Variants in SLC9A8 observed in about 807,000 individuals in gnomAD.
The protein encoded by SLC9A8 is sodium/hydrogen exchanger 8.
SLC9A8 carries 48 observed loss-of-function variants against 66.6 expected under a neutral mutation model. That is an observed-to-expected ratio of 0.72 (90% confidence interval 0.57 to 0.92). The LOEUF (loss-of-function observed/expected upper bound fraction) is 0.92, where lower values mean the gene tolerates loss of function less well. Ranked by LOEUF, SLC9A8 falls within the 40% of genes least tolerant of loss-of-function variation. SLC9A8 has a pLI of 0.00. For missense variants in SLC9A8, 599 were observed against 747.3 expected (o/e 0.80, Z 2.31); for synonymous variants, 274 against 282.6 (o/e 0.97, Z 0.31).
At chr20:49,854,764 C>T (rs768950151) in intron 7 of SLC9A8, among the ~76,000 whole-genome samples, 1 of 152,150 alleles carries the variant, frequency 6.6e-6, no homozygotes, top group Non-Finnish European at 1.5e-5. Context: ...CAGTCACTGT[C>T]TGGATTGTTG....
rs200132126 is a variant in SLC9A8, at chr20:49,823,045, A to ATT, written c.209-8_209-7dup. On this transcript the variant is annotated splice_polypyrimidine_tract_variant and intron_variant, in intron 2 of 15. Transcript: ENST00000361573. ...AGTGTTTTTTTTAAAACATTGTATT[A>ATT]TTTTTTTTTCCACAGCTATCTGCAT... The ATT allele has an allele frequency of 1.8e-4, 276 of 1,560,486 alleles. No homozygotes were observed. The highest frequency in any genetic ancestry group is 2.2e-4 in the Non-Finnish European group (247 of 1,136,074).
chr20:49,827,008 C>T (rs2086938102), intron 3 of SLC9A8, among the ~76,000 whole-genome samples: 1 of 151,372 alleles, frequency 6.6e-6, no homozygotes, highest in Non-Finnish European at 1.5e-5. Context: ...CAATCACGAT[C>T]TTGGCGCACT....
intron 3 of SLC9A8, among the ~76,000 whole-genome samples, chr20:49,834,367 G>GTGTATATATATATATAC (rs1568813284): frequency 2.5e-4 from 11 of 43,858 alleles, no homozygotes; most frequent in Non-Finnish European, 4.3e-4. Flanking sequence ...TATATATACT[G>GTGTATATATATATATAC]TGTATATATA....
In SLC9A8 at chr20:49,886,999, G is replaced by A; in HGVS notation, c.1638+101G>A. On this transcript the variant is annotated intron_variant, in intron 15 of 15. Coordinates refer to ENST00000361573, the MANE Select transcript of SLC9A8 (RefSeq NM_015266.3). This position sits in a 1 kb window ranked among gnomAD's most constrained non-coding sequence, Gnocchi z 4.8. The stretch of plus-strand genomic sequence containing the variant: ...GGGTGGAGGAAGAGTGGGGAGGCAG[G>A]AAAGCTCACGTGGGCCCGCCAGGCC... The A allele has an allele frequency of 1.5e-6, 2 of 1,377,928 alleles. No individual in the cohort carries two copies. Among genetic ancestry groups the A allele is most frequent in the Non-Finnish European group, 2.0e-6 (2 of 1,011,070 alleles). The allele number at this position is 1,377,928 out of a possible 1,614,324, so 85.4% of individuals were successfully genotyped here. A position where few individuals can be genotyped will look rare whatever the true frequency, so the allele number is the denominator to read the frequency against.
rs374418684 is a variant in SLC9A8, at chr20:49,884,223, C to CGCG, written c.1491+157_1491+158insGCG. ...CGACACACACACACACACACACACA[C>CGCG]ACACACACACACACACACGACACAC... is the stretch of plus-strand genomic sequence containing the variant. On this transcript the variant is annotated intron_variant, in intron 14 of 15. Transcript: ENST00000361573. The CGCG allele has an allele frequency of 3.0e-3, 741 of 242,998 alleles. 3 individuals are homozygous for CGCG. The highest frequency in any genetic ancestry group is 4.6e-3 in the Admixed American group (79 of 17,012). 15.1% of individuals were successfully genotyped at this position (242,998 alleles called of 1,614,324 possible). A position where few individuals can be genotyped will look rare whatever the true frequency, so the allele number is the denominator to read the frequency against.
Position 49,845,081 on chromosome 20 carries a change from C to T in SLC9A8, c.394C>T (p.Pro132Ser), listed in dbSNP as rs1211316746. The stretch of plus-strand genomic sequence containing the variant: ...AAACATGTTTTTCCTCCTCCTGCTT[C>T]CCCCTATTATCTTTGAGTCTGGATA... ...RPNMFFLLLL[P>S]PIIFESGYSL... is the part of the protein sequence containing the mutation. The change falls in exon 5 of 16, where the codon CCC (proline) becomes TCC (serine). Residue 132 changes from proline (P) to serine (S), a missense_variant. Around this residue, in one of 2 missense-constraint regions of SLC9A8, gnomAD observed 467 missense variants for 626.5 expected, o/e 0.75. Coordinates refer to ENST00000361573, the MANE Select transcript of SLC9A8 (RefSeq NM_015266.3). 1 of 1,613,502 alleles carries T rather than the reference C, an allele frequency of 6.2e-7. No homozygotes were observed. The highest frequency in any genetic ancestry group is 8.5e-7 in the Non-Finnish European group (1 of 1,179,476).
chr20:49,878,205 T>TA (rs546419401), intron 12 of SLC9A8, 142 bp downstream of exon 12: 7,696 of 408,630 alleles, frequency 0.019, no homozygotes, highest in Middle Eastern at 0.029. Flanking sequence ...TTTCTTTTGT[T>TA]AAAAAAAAAA....
chr20:49,882,874 T>C (rs1036880223), intron 13 of SLC9A8, among the ~76,000 whole-genome samples: 1 of 152,148 alleles, frequency 6.6e-6, no homozygotes, highest in African/African-American at 2.4e-5. Flanking sequence ...TATGTGCCCT[T>C]TGCTCTTGCC....
At chr20:49,883,678 C>T (rs1440765262) in intron 13 of SLC9A8, among the ~76,000 whole-genome samples, 168 bp from the exon 14 acceptor site, 1 of 152,220 alleles carries the variant, frequency 6.6e-6, no homozygotes, top group Non-Finnish European at 1.5e-5. Context: ...ATCTCTGCCA[C>T]CTGCTCTTTA....
At chr20:49,828,568 T>C (rs540904997) in intron 3 of SLC9A8, among the ~76,000 whole-genome samples, 3 of 146,956 alleles carry the variant, frequency 2.0e-5, no homozygotes, top group Non-Finnish European at 4.5e-5. Context: ...CCTGGCACAG[T>C]GGCTCATGCC....
Position 49,814,962 on chromosome 20 carries a change from T to G in SLC9A8, c.27-46T>G, listed in dbSNP as rs780169647. ...GGTGTGAGGTGTGTGAATTGATGTT[T>G]TGGGACCCTTTTCCATTATCTAATT... is the stretch of plus-strand genomic sequence containing the variant. On this transcript the variant is annotated intron_variant, in intron 1 of 15. Transcript: ENST00000361573. The G allele has an allele frequency of 4.9e-6, 7 of 1,428,092 alleles. No individual in the cohort carries two copies. The East Asian group carries it at 1.6e-4, about 32-fold the overall frequency. 88.5% of individuals were successfully genotyped at this position (1,428,092 alleles called of 1,614,324 possible).
intron 3 of SLC9A8, among the ~76,000 whole-genome samples, chr20:49,838,790 A>G (rs1055260732): frequency 1.3e-5 from 2 of 152,140 alleles, no homozygotes; most frequent in African/African-American, 2.4e-5. Context: ...GTCACCTCCT[A>G]CCGAGACTGT....
chr20:49,869,767 A>G (rs1476810714), intron 10 of SLC9A8, among the ~76,000 whole-genome samples: 2 of 151,934 alleles, frequency 1.3e-5, no homozygotes, highest in East Asian at 3.9e-4. Flanking sequence ...AGGGAAGCAG[A>G]GGTTGCAGTG....
intron 3 of SLC9A8, among the ~76,000 whole-genome samples, chr20:49,825,245 T>A (rs1379882933): frequency 6.6e-6 from 1 of 152,204 alleles, no homozygotes; most frequent in African/African-American, 2.4e-5. Flanking sequence ...AACCAACATC[T>A]ATTGTTTAAG....
chr20:49,835,073 T>G (rs755609297), intron 3 of SLC9A8, among the ~76,000 whole-genome samples: 21 of 152,232 alleles, frequency 1.4e-4, no homozygotes, highest in Non-Finnish European at 2.5e-4. Context: ...TGTGGAAGTG[T>G]AAGTCGGTAC....
chr20:49,886,848 C>T lies in SLC9A8; in HGVS notation c.1588C>T (p.Leu530=), dbSNP rs776097230. 5 of 1,614,062 alleles carry T rather than the reference C, an allele frequency of 3.1e-6. No homozygotes were observed. Residue 530 remains leucine (L), a synonymous_variant, in exon 15 of 16, where the codon CTG becomes TTG. Coordinates refer to ENST00000361573, the MANE Select transcript of SLC9A8 (RefSeq NM_015266.3). The surrounding 1 kb of genome is among the most constrained non-coding windows in gnomAD (Gnocchi z 4.8). ...RRQDLKGFVW[L]DAKYLNPFFT... ...GCAGGACCTTAAGGGCTTCGTGTGG[C>T]TGGACGCCAAGTACCTGAACCCCTT...
At chr20:49,880,556 AC>A (rs1305811466) in intron 12 of SLC9A8, among the ~76,000 whole-genome samples, 1 of 152,162 alleles carries the variant, frequency 6.6e-6, no homozygotes, top group Non-Finnish European at 1.5e-5. Flanking sequence ...AAGGAGGGGC[AC>A]CTTGGGAGTC....
intron 11 of SLC9A8, among the ~76,000 whole-genome samples, chr20:49,877,452 G>A (rs2089466645): frequency 1.3e-5 from 2 of 152,020 alleles, no homozygotes; most frequent in Admixed American, 1.3e-4. Flanking sequence ...GCTCTTTTTG[G>A]CTCGCAGAGT....
chr20:49,851,241 C>G (rs971686017), intron 7 of SLC9A8, among the ~76,000 whole-genome samples: 4 of 152,182 alleles, frequency 2.6e-5, no homozygotes, highest in Non-Finnish European at 5.9e-5. Flanking sequence ...GAGAAACTTT[C>G]CTCTGGGATT....
Sources: gnomAD v4.1 joint callset for allele counts (sites outside exome capture counted in the v4.1 genomes callset) on GRCh38, gnomAD v4.1.1 for gene constraint, gnomAD v4.1.1 regional missense constraint, Gnocchi (gnomAD v3.1) non-coding constraint, MANE v1.5 for transcripts, NCBI Gene and HGNC (gene_info 2026-07-23, HGNC 2026-07-21) for gene names.